Variants in KALRN observed in about 807,000 individuals in gnomAD.
KALRN encodes kalirin RhoGEF kinase, also known as kalirin.
Under a neutral mutation model 353.7 loss-of-function variants are expected in KALRN, and 70 were observed. The observed-to-expected ratio is 0.20, with a 90% CI of 0.16 to 0.24. The LOEUF is 0.24. KALRN is among the 10% of genes least tolerant of loss of function. KALRN has a pLI of 1.00. For missense variants in KALRN, 2,791 were observed against 3,756.7 expected (o/e 0.74, Z 6.72); for synonymous variants, 1,391 against 1,434.8 (o/e 0.97, Z 0.69).
intron 1 of KALRN, among the ~76,000 whole-genome samples, chr3:124,042,713 G>A (rs1275830683): frequency 1.3e-5 from 2 of 152,142 alleles, no homozygotes; most frequent in African/African-American, 4.8e-5. Flanking sequence ...GGGGAGGCAG[G>A]GGAAGAGGGG....
chr3:124,356,924 CT>C (rs1265688611), intron 10 of KALRN, among the ~76,000 whole-genome samples: 7 of 152,174 alleles, frequency 4.6e-5, no homozygotes, highest in African/African-American at 9.7e-5. Flanking sequence ...GGTTTCACCC[CT>C]GGGTTCGATA....
intron 6 of KALRN, among the ~76,000 whole-genome samples, chr3:124,316,844 TAATC>T (rs1411397690): frequency 2.0e-5 from 3 of 152,270 alleles, no homozygotes; most frequent in African/African-American, 7.2e-5. Flanking sequence ...ATTGTTGAAT[TAATC>T]AATGGATGAA....
chr3:124,057,540 A>G (rs2149192112), intron 1 of KALRN, among the ~76,000 whole-genome samples: 1 of 152,258 alleles, frequency 6.6e-6, no homozygotes. Flanking sequence ...AGAGAGGGGA[A>G]GCAGATGTGA....
chr3:124,163,609 G>A (rs1412280428), intron 1 of KALRN: 4 of 985,070 alleles, frequency 4.1e-6, no homozygotes, highest in Non-Finnish European at 1.2e-6. Flanking sequence ...CACATAATAG[G>A]TTCTAACATG....
chr3:124,337,160 G>A (rs546035045), intron 9 of KALRN, among the ~76,000 whole-genome samples: 1 of 152,046 alleles, frequency 6.6e-6, no homozygotes, highest in African/African-American at 2.4e-5. Flanking sequence ...TCTTTCTCTT[G>A]CCTGATTGCC....
At chr3:124,181,986 C>G (rs187761169) in intron 1 of KALRN, among the ~76,000 whole-genome samples, 1 of 152,204 alleles carries the variant, frequency 6.6e-6, no homozygotes, top group East Asian at 1.9e-4. Context: ...CCCTGGCGTG[C>G]CTTTATAGTG....
At chr3:124,249,808 A>T (rs1822789) in intron 3 of KALRN, among the ~76,000 whole-genome samples, 93,785 of 152,052 alleles carry the variant, frequency 0.62, 29,382 homozygotes, top group African/African-American at 0.68. Context: ...CAAACATGCA[A>T]GCCTTCACCT....
Position 124,621,299 on chromosome 3 carries a change from A to G in KALRN, c.5183-11121A>G, listed in dbSNP as rs185208308. Among the ~76,000 whole-genome samples, 345 of 152,324 alleles carry G rather than the reference A, an allele frequency of 2.3e-3. 2 individuals carry two copies. Among genetic ancestry groups the G allele is most frequent in the African/African-American group, 7.5e-3 (313 of 41,564 alleles). ...CTTTTAATTTAATGGGAAAAAATAG[A>G]TACAGATGTTCTAAATGCATAAGGA... On this transcript the variant is annotated intron_variant, in intron 34 of 59. Coordinates refer to ENST00000682506, the MANE Select transcript of KALRN (RefSeq NM_001388419.1).
chr3:124,485,235 A>G (rs1233963491), intron 28 of KALRN, among the ~76,000 whole-genome samples: 3 of 152,250 alleles, frequency 2.0e-5, no homozygotes. Flanking sequence ...TGAATTTAAA[A>G]AGGAAAAACA....
intron 1 of KALRN, among the ~76,000 whole-genome samples, chr3:124,147,926 T>C (rs1378576032): frequency 6.6e-6 from 1 of 152,226 alleles, no homozygotes; most frequent in Non-Finnish European, 1.5e-5. Context: ...AATGTTTGAT[T>C]CAGAGCGTAA....
intron 25 of KALRN, among the ~76,000 whole-genome samples, chr3:124,469,384 T>C (rs976536607): frequency 6.6e-6 from 1 of 152,222 alleles, no homozygotes; most frequent in Non-Finnish European, 1.5e-5. Flanking sequence ...GATCCAACTG[T>C]GCTGGAACTG....
chr3:124,056,167 C>G (rs1398746948), intron 1 of KALRN, among the ~76,000 whole-genome samples: 1 of 152,188 alleles, frequency 6.6e-6, no homozygotes, highest in Non-Finnish European at 1.5e-5. Context: ...AGCCCCTTGC[C>G]TTGCAGGTCT....
chr3:124,638,523 A>T (rs1053190523), intron 37 of KALRN, among the ~76,000 whole-genome samples: 2 of 152,020 alleles, frequency 1.3e-5, no homozygotes, highest in South Asian at 4.2e-4. Context: ...ACCAACCTAT[A>T]TACCCTCTTC....
chr3:124,439,085 C>T (rs2093575732), intron 18 of KALRN, 48 bp downstream of exon 18: 1 of 1,578,112 alleles, frequency 6.3e-7, no homozygotes, highest in Non-Finnish European at 8.7e-7. Context: ...GCCTTGGCCG[C>T]CTTGTTCTTT....
At chr3:124,640,838 T>G (rs1019606035) in intron 37 of KALRN, among the ~76,000 whole-genome samples, 6 of 152,182 alleles carry the variant, frequency 3.9e-5, no homozygotes, top group African/African-American at 1.4e-4. Flanking sequence ...AATCTAGACC[T>G]GTGGGTGGGA....
At chr3:124,660,455 G>A (rs1294298812) in intron 43 of KALRN, among the ~76,000 whole-genome samples, 1 of 152,114 alleles carries the variant, frequency 6.6e-6, no homozygotes, top group African/African-American at 2.4e-5. Context: ...ACTGAGGCAG[G>A]TGGATCACCT....
chr3:124,355,892 T>G (rs1253609024), intron 10 of KALRN, among the ~76,000 whole-genome samples: 1 of 151,956 alleles, frequency 6.6e-6, no homozygotes, highest in Non-Finnish European at 1.5e-5. Context: ...ATTTTATATT[T>G]TCAGTAGAGA....
chr3:124,331,657 A>G (rs1308490125), intron 8 of KALRN, among the ~76,000 whole-genome samples: 1 of 152,118 alleles, frequency 6.6e-6, no homozygotes, highest in Non-Finnish European at 1.5e-5. Flanking sequence ...GCCTCTGCCC[A>G]TGGGTCAAGA....
intron 18 of KALRN, among the ~76,000 whole-genome samples, chr3:124,439,313 A>G (rs191840440): frequency 3.3e-5 from 5 of 152,148 alleles, no homozygotes; most frequent in African/African-American, 9.6e-5. Context: ...TGTAATGAAG[A>G]TGTTGACTGG....
Sources: allele counts gnomAD v4.1 joint callset (sites outside exome capture counted in the v4.1 genomes callset), GRCh38; gene constraint gnomAD v4.1.1; transcripts MANE v1.5; gene names NCBI Gene and HGNC (gene_info 2026-07-23, HGNC 2026-07-21).